The following UNC5D variants were observed in gnomAD, a reference collection of about 807,000 sequenced individuals.
UNC5D encodes the protein netrin receptor UNC5D.
Under a neutral mutation model 105.4 loss-of-function variants are expected in UNC5D, and 39 were observed. That is an observed-to-expected ratio of 0.37 (90% confidence interval 0.29 to 0.48). The LOEUF is 0.48. Among genes scored for constraint, UNC5D ranks in the 20% least tolerant of loss-of-function variants. The pLI, the probability that UNC5D is intolerant of heterozygous loss-of-function variation, is 0.98. For synonymous variants in UNC5D, 452 were observed against 450.4 expected (o/e 1.00, Z -0.04); for missense variants, 991 against 1,202.4 (o/e 0.82, Z 2.60).
At chr8:35,466,316 A>G (rs1809302541) in intron 1 of UNC5D, among the ~76,000 whole-genome samples, 1 of 152,182 alleles carries the variant, frequency 6.6e-6, no homozygotes, top group African/African-American at 2.4e-5. Flanking sequence ...CTGTCTCTTG[A>G]ACATAACTAA....
At chr8:35,335,451 CATGTT>C (rs1810953237) in intron 1 of UNC5D, among the ~76,000 whole-genome samples, 1 of 152,134 alleles carries the variant, frequency 6.6e-6, no homozygotes, top group African/African-American at 2.4e-5. Flanking sequence ...TTATATGACT[CATGTT>C]AAGCACTTAG....
chr8:35,561,658 T>G (rs1816976998), intron 2 of UNC5D, among the ~76,000 whole-genome samples: 2 of 152,166 alleles, frequency 1.3e-5, no homozygotes, highest in Admixed American at 1.3e-4. Flanking sequence ...TGTCTTCATT[T>G]CCAAGCTGAA....
intron 1 of UNC5D, among the ~76,000 whole-genome samples, chr8:35,317,243 G>A (rs1008431447): frequency 1.3e-5 from 2 of 152,034 alleles, no homozygotes; most frequent in Non-Finnish European, 2.9e-5. Flanking sequence ...AATATTATAT[G>A]TAATAAATAG....
At chr8:35,449,266 C>T (rs55966441) in intron 1 of UNC5D, among the ~76,000 whole-genome samples, 98 of 152,246 alleles carry the variant, frequency 6.4e-4, no homozygotes, top group African/African-American at 2.0e-3. Context: ...GAACTGCTCA[C>T]GATTCTTCTC....
chr8:35,473,737 C>T (rs1047036687), intron 1 of UNC5D, among the ~76,000 whole-genome samples: 1 of 152,086 alleles, frequency 6.6e-6, no homozygotes, highest in African/African-American at 2.4e-5. Context: ...ACACAATTAA[C>T]AATATAACAG....
chr8:35,248,898 A>G (rs1328692779), intron 1 of UNC5D, among the ~76,000 whole-genome samples: 3 of 90,962 alleles, frequency 3.3e-5, no homozygotes, highest in Non-Finnish European at 5.6e-5. Context: ...ATATAAATAT[A>G]TAATATATTA....
chr8:35,353,232 C>T (rs1004407535), intron 1 of UNC5D, among the ~76,000 whole-genome samples: 1 of 152,118 alleles, frequency 6.6e-6, no homozygotes, highest in Non-Finnish European at 1.5e-5. Flanking sequence ...CAACTCAATA[C>T]AGAAATAGCA....
chr8:35,453,361 A>T (rs1046664959), intron 1 of UNC5D, among the ~76,000 whole-genome samples: 1 of 152,056 alleles, frequency 6.6e-6, no homozygotes, highest in Non-Finnish European at 1.5e-5. Flanking sequence ...GGTCTTGAAA[A>T]ATGGGTGTGC....
At chr8:35,690,046 TAAGCC>T (rs1826280537) in intron 7 of UNC5D, among the ~76,000 whole-genome samples, 1 of 152,218 alleles carries the variant, frequency 6.6e-6, no homozygotes, top group Non-Finnish European at 1.5e-5. Context: ...AAATGCTACA[TAAGCC>T]TTTTCTTTCT....
At chr8:35,717,981 C>G (rs1828350746) in intron 8 of UNC5D, among the ~76,000 whole-genome samples, 1 of 152,182 alleles carries the variant, frequency 6.6e-6, no homozygotes, top group Admixed American at 6.5e-5. Context: ...TCAGCCTTCT[C>G]TGCAGATGCT....
At chr8:35,640,060 C>T (rs1333430201) in intron 4 of UNC5D, among the ~76,000 whole-genome samples, 4 of 151,888 alleles carry the variant, frequency 2.6e-5, no homozygotes, top group Non-Finnish European at 5.9e-5. Context: ...AGCACATGGT[C>T]CATTTCATTT....
At chr8:35,305,621 CTT>C (rs1218207377) in intron 1 of UNC5D, among the ~76,000 whole-genome samples, 5 of 82,292 alleles carry the variant, frequency 6.1e-5, no homozygotes, top group Non-Finnish European at 9.9e-5. Context: ...TTCTTTCTTT[CTT>C]TTTCTTTCTC....
chr8:35,631,790 T>C (rs1380568758), intron 4 of UNC5D, among the ~76,000 whole-genome samples: 2 of 152,206 alleles, frequency 1.3e-5, no homozygotes, highest in South Asian at 2.1e-4. Flanking sequence ...GATTACAATA[T>C]AGGGATTATT....
intron 1 of UNC5D, among the ~76,000 whole-genome samples, chr8:35,410,028 G>A (rs923453316): frequency 2.2e-5 from 3 of 137,952 alleles, no homozygotes; most frequent in Non-Finnish European, 4.7e-5. Context: ...CCTCAAAATT[G>A]GGGAGAATTG....
intron 4 of UNC5D, among the ~76,000 whole-genome samples, chr8:35,623,484 T>A (rs1821491797): frequency 6.6e-6 from 1 of 152,224 alleles, no homozygotes; most frequent in South Asian, 2.1e-4. Context: ...GCATCCTCTT[T>A]TCTGGCATCT....
intron 1 of UNC5D, among the ~76,000 whole-genome samples, chr8:35,319,542 T>TC (rs1445392137): frequency 1.3e-5 from 2 of 152,164 alleles, no homozygotes; most frequent in Admixed American, 6.6e-5. Context: ...AGTTAGAACT[T>TC]CTCCATCACT....
At chr8:35,475,992 A>G (rs930416888) in intron 1 of UNC5D, among the ~76,000 whole-genome samples, 1 of 152,174 alleles carries the variant, frequency 6.6e-6, no homozygotes, top group African/African-American at 2.4e-5. Context: ...TACTAGATTG[A>G]AAGCCTTTTG....
intron 1 of UNC5D, among the ~76,000 whole-genome samples, chr8:35,546,812 C>A (rs1056444834): frequency 1.3e-5 from 2 of 151,644 alleles, no homozygotes; most frequent in Non-Finnish European, 2.9e-5. Flanking sequence ...TTTTAAAAAA[C>A]CACATCTGAG....
chr8:35,496,924 G>A lies in UNC5D; in HGVS notation c.104-52368G>A, dbSNP rs185371032. 2.7e-3 allele frequency among the ~76,000 whole-genome samples: 416 copies of A among 152,138 alleles called. 3 individuals are homozygous for A. The highest frequency in any genetic ancestry group is 3.4e-3 in the Non-Finnish European group (228 of 68,012). On this transcript the variant is annotated intron_variant, in intron 1 of 16. Transcript: ENST00000404895. ...ATGCAGCATAATGTTTGAGGCACAC[G>A]TGTAGGGGAGAAAAAAGTCTTTTCC...
Sources: gnomAD v4.1 joint callset for allele counts (sites outside exome capture counted in the v4.1 genomes callset) on GRCh38, gnomAD v4.1.1 for gene constraint, MANE v1.5 for transcripts, NCBI Gene and HGNC (gene_info 2026-07-23, HGNC 2026-07-21) for gene names.